DPP6: variants seen among roughly 807,000 people sequenced by gnomAD.
The protein encoded by DPP6 is dipeptidyl peptidase like 6, also known as A-type potassium channel modulatory protein DPP6.
In DPP6, 69 loss-of-function variants were observed where a neutral mutation model predicts 122.6. The observed-to-expected ratio is 0.56, with a 90% CI of 0.46 to 0.69. The LOEUF is 0.69. DPP6 is among the 30% of genes least tolerant of loss of function. The probability of loss-of-function intolerance (pLI) is 0.00; values close to 1 mark genes in which losing one functional copy is unlikely to be tolerated. For missense variants in DPP6, 928 were observed against 1,116.9 expected, an observed-to-expected ratio of 0.83 and a Z score of 2.41; for synonymous variants, 418 against 433.1, an observed-to-expected ratio of 0.97 and a Z score of 0.43.
intron 16 of DPP6, among the ~76,000 whole-genome samples, chr7:154,827,338 C>T (rs1054194794): frequency 8.6e-5 from 13 of 151,994 alleles, no homozygotes; most frequent in African/African-American, 3.1e-4. Flanking sequence ...CCTTCCCCTT[C>T]CCTTCCCTTC....
chr7:153,888,178 C>G (rs995878744), intron 1 of DPP6, among the ~76,000 whole-genome samples: 1 of 152,140 alleles, frequency 6.6e-6, no homozygotes, highest in Non-Finnish European at 1.5e-5. Context: ...GAACTCGAGA[C>G]CTGTTGGGTC....
rs571525698 is a variant in DPP6, at chr7:154,235,106, A to G, written c.243+182043A>G. Among the ~76,000 whole-genome samples, 53 of 152,354 alleles carry G rather than the reference A, an allele frequency of 3.5e-4. No individual in the cohort carries two copies. In the South Asian group the frequency reaches 9.9e-3, roughly 29 times the overall value. On this transcript the variant is annotated intron_variant, in intron 1 of 25. Coordinates refer to ENST00000377770, the MANE Select transcript of DPP6 (RefSeq NM_130797.4). ...GTTTAGCCTATGCACAGAATTGTGT[A>G]ATCATCACCACAATCGATTTTAGGA...
chr7:153,872,577 A>C, the DPP6 span, among the ~76,000 whole-genome samples: 2 of 152,242 alleles, frequency 1.3e-5, no homozygotes, highest in East Asian at 3.8e-4. Context: ...AATGCTTACT[A>C]TTAGCCATGC....
At chr7:153,961,683 T>C (rs1265992212) in intron 1 of DPP6, among the ~76,000 whole-genome samples, 2 of 151,230 alleles carry the variant, frequency 1.3e-5, no homozygotes, top group Non-Finnish European at 2.9e-5. Flanking sequence ...CCCCATAATA[T>C]AGAATCAGTG....
intron 1 of DPP6, among the ~76,000 whole-genome samples, chr7:154,295,930 A>G (rs1805506443): frequency 6.9e-6 from 1 of 144,818 alleles, no homozygotes; most frequent in African/African-American, 2.6e-5. Flanking sequence ...CTGTGTATGC[A>G]TAAACAGTTG....
Position 154,717,405 on chromosome 7 carries a change from CCCTTCCCAGCA to C in DPP6, c.763-10348_763-10338del, listed in dbSNP as rs1176005717. Reference sequence around the variant, plus strand: ...AAACACACACACACACACACACGCACCCTTCCCAGCACCTTCCCAGCACCGTTCTACTCTCT... The same window carrying C: ...AAACACACACACACACACACACGCACCCTTCCCAGCACCGTTCTACTCTCT... On this transcript the variant is annotated intron_variant, in intron 7 of 25. Coordinates refer to ENST00000377770, the MANE Select transcript of DPP6 (RefSeq NM_130797.4). Among the ~76,000 whole-genome samples the C allele has an allele frequency of 1.2e-4, 19 of 152,120 alleles. 1 individual carries two copies. The highest frequency in any genetic ancestry group is 4.2e-4 in the South Asian group (2 of 4,800).
At chr7:154,892,210 TTCA>T in intron 25 of DPP6, 121 bp from the exon 26 acceptor site, 2 of 1,318,340 alleles carry the variant, frequency 1.5e-6, no homozygotes, top group South Asian at 1.4e-5. Context: ...GCAAACCCAC[TTCA>T]TCAACTACAA....
At chr7:154,356,321 A>C (rs941386960) in intron 1 of DPP6, among the ~76,000 whole-genome samples, 1 of 152,190 alleles carries the variant, frequency 6.6e-6, no homozygotes, top group South Asian at 2.1e-4. Context: ...ACTTAGCCCA[A>C]TGTTGACCAA....
At chr7:153,910,312 C>T (rs1467811977) in intron 1 of DPP6, among the ~76,000 whole-genome samples, 1 of 151,086 alleles carries the variant, frequency 6.6e-6, no homozygotes, top group East Asian at 2.0e-4. Flanking sequence ...TCACTGCAAC[C>T]TCTGCCTCCT....
At chr7:154,242,467 G>C (rs1284329396) in intron 1 of DPP6, among the ~76,000 whole-genome samples, 2 of 152,074 alleles carry the variant, frequency 1.3e-5, no homozygotes, top group Non-Finnish European at 2.9e-5. Context: ...TTTTCCTCTA[G>C]CTCTGATAGA....
chr7:154,016,910 T>G (rs1014221471), intron 1 of DPP6, among the ~76,000 whole-genome samples: 2 of 151,906 alleles, frequency 1.3e-5, no homozygotes, highest in Non-Finnish European at 2.9e-5. Context: ...CAAGGAGCAA[T>G]GAAGGAAAGA....
chr7:154,532,639 G>A (rs934477437), intron 3 of DPP6, among the ~76,000 whole-genome samples: 1 of 151,970 alleles, frequency 6.6e-6, no homozygotes, highest in African/African-American at 2.4e-5. Flanking sequence ...ATAAAGTAGG[G>A]AGATAAATGC....
chr7:154,650,166 A>G (rs893176707), intron 6 of DPP6, among the ~76,000 whole-genome samples: 4 of 152,090 alleles, frequency 2.6e-5, no homozygotes, highest in Admixed American at 1.3e-4. Context: ...ACAAAAATAC[A>G]ATTAAAAAAT....
At chr7:154,544,035 T>C (rs1350212658) in intron 4 of DPP6, among the ~76,000 whole-genome samples, 1 of 146,950 alleles carries the variant, frequency 6.8e-6, no homozygotes, top group African/African-American at 2.5e-5. Context: ...TGTGTAAACA[T>C]TTAAAATTCT....
chr7:154,294,666 C>T (rs1006336565), intron 1 of DPP6, among the ~76,000 whole-genome samples: 8 of 152,270 alleles, frequency 5.3e-5, no homozygotes, highest in African/African-American at 1.9e-4. Flanking sequence ...GAGGTCTAGC[C>T]CAGAAGGCAT....
At chr7:153,800,012 G>T in the DPP6 span, among the ~76,000 whole-genome samples, 1 of 152,158 alleles carries the variant, frequency 6.6e-6, no homozygotes, top group East Asian at 1.9e-4. Flanking sequence ...ACAACAGTAT[G>T]GAGGGTTCTC....
At chr7:154,057,823 G>A (rs1177802802) in intron 1 of DPP6, 3 of 150,766 alleles carry the variant, frequency 2.0e-5, no homozygotes, top group African/African-American at 7.5e-5. Flanking sequence ...GCGTCAGAGA[G>A]AGAAAAGATG....
In DPP6 at chr7:154,300,044, C is replaced by T. The variant is rs569582763; in HGVS notation, c.244-146170C>T. 3.3e-5 allele frequency among the ~76,000 whole-genome samples: 5 copies of T among 152,342 alleles called. 1 individual carries two copies. The South Asian group carries it at 1.0e-3, about 32-fold the overall frequency. ...TCTCTTCAGTTGCACCTGCACAGGACTGATTGCGCCTCAAATCCATTTGTC... is the reference window on the plus strand; with the variant it reads ...TCTCTTCAGTTGCACCTGCACAGGATTGATTGCGCCTCAAATCCATTTGTC... On this transcript the variant is annotated intron_variant, in intron 1 of 25. Coordinates refer to ENST00000377770, the MANE Select transcript of DPP6 (RefSeq NM_130797.4).
intron 4 of DPP6, 118 bp downstream of exon 4, chr7:154,540,744 T>C: frequency 3.2e-6 from 2 of 626,760 alleles, no homozygotes; most frequent in Non-Finnish European, 2.7e-6. Flanking sequence ...AATAAACTTG[T>C]AATACTACAG....
Sources: allele counts gnomAD v4.1 joint callset (sites outside exome capture counted in the v4.1 genomes callset), GRCh38; gene constraint gnomAD v4.1.1; transcripts MANE v1.5; gene names NCBI Gene and HGNC (gene_info 2026-07-23, HGNC 2026-07-21).